The following SUSD1 variants were observed in gnomAD, a reference collection of about 807,000 sequenced individuals.
The protein encoded by SUSD1 is sushi domain containing 1, also known as sushi domain-containing protein 1.
In SUSD1, 65 loss-of-function variants were observed where a neutral mutation model predicts 86.9. The observed-to-expected ratio is 0.75, with a 90% CI of 0.61 to 0.92. The LOEUF is 0.92. Ranked by LOEUF, SUSD1 falls within the 40% of genes least tolerant of loss-of-function variation. The probability of loss-of-function intolerance (pLI) is 0.00; values close to 1 mark genes in which losing one functional copy is unlikely to be tolerated. For synonymous variants in SUSD1, 346 were observed against 350.0 expected (o/e 0.99, Z 0.13); for missense variants, 850 against 929.7 (o/e 0.91, Z 1.11).
intron 1 of SUSD1, among the ~76,000 whole-genome samples, chr9:112,171,108 C>T (rs921157202): frequency 4.6e-5 from 7 of 152,180 alleles, no homozygotes; most frequent in Admixed American, 6.5e-5. Context: ...TAATCAGTAA[C>T]GGCCAGCTAC....
chr9:112,057,552 C>T (rs1828506602), intron 14 of SUSD1, among the ~76,000 whole-genome samples: 1 of 152,192 alleles, frequency 6.6e-6, no homozygotes, highest in Admixed American at 6.5e-5. Context: ...TTTATTCCTC[C>T]ATTATTGTCA....
intron 9 of SUSD1, among the ~76,000 whole-genome samples, chr9:112,100,387 C>T (rs1032217639): frequency 4.6e-5 from 7 of 152,032 alleles, no homozygotes; most frequent in Non-Finnish European, 8.8e-5. Flanking sequence ...GGGGTTTCAC[C>T]GTGTTAGCCA....
chr9:112,089,713 G>A (rs569584185), intron 10 of SUSD1, among the ~76,000 whole-genome samples: 3 of 151,386 alleles, frequency 2.0e-5, no homozygotes, highest in African/African-American at 7.3e-5. Flanking sequence ...TCGGGAGGCT[G>A]AAGCAGGAGA....
intron 5 of SUSD1, among the ~76,000 whole-genome samples, chr9:112,141,675 T>C (rs1832569399): frequency 6.8e-6 from 1 of 147,964 alleles, no homozygotes; most frequent in South Asian, 2.1e-4. Context: ...AGATTCTGTC[T>C]CAAAAACTAT....
intron 1 of SUSD1, chr9:112,173,507 G>T: frequency 4.4e-6 from 1 of 229,250 alleles, no homozygotes; most frequent in South Asian, 6.0e-5. Context: ...TCCTCACGTT[G>T]GCAGACACAG....
At chr9:112,046,923 A>C (rs151091062) in intron 15 of SUSD1, among the ~76,000 whole-genome samples, 3 of 152,328 alleles carry the variant, frequency 2.0e-5, no homozygotes, top group African/African-American at 7.2e-5. Context: ...GCAGTTTAAC[A>C]AATCACCACA....
At chr9:112,125,327 C>A (rs368200965) in intron 5 of SUSD1, among the ~76,000 whole-genome samples, 5 of 152,022 alleles carry the variant, frequency 3.3e-5, no homozygotes, top group African/African-American at 1.2e-4. Flanking sequence ...AAAAGTTGAA[C>A]AATGTAAAAT....
intron 10 of SUSD1, among the ~76,000 whole-genome samples, chr9:112,094,505 C>CA (rs1399170583): frequency 1.3e-5 from 2 of 152,150 alleles, no homozygotes; most frequent in African/African-American, 4.8e-5. Flanking sequence ...GGAATTATTA[C>CA]AAACTCAAAT....
At chr9:112,170,460 C>A (rs1833988996) in intron 1 of SUSD1, among the ~76,000 whole-genome samples, 1 of 152,044 alleles carries the variant, frequency 6.6e-6, no homozygotes. Context: ...GGTTCTACCC[C>A]TCCTCGCCCA....
Position 112,102,140 on chromosome 9 carries a change from C to T in SUSD1, c.1281+36G>A, listed in dbSNP as rs748681835. On this transcript the variant is annotated intron_variant, in intron 9 of 16. Coordinates refer to ENST00000374270, the MANE Select transcript of SUSD1 (RefSeq NM_022486.5). ...AGATCGCCCAAATTTTTAAATGACA[C>T]AATTCTTTAATGGAAAGCATAAGAG... 13 of 1,267,760 alleles carry T rather than the reference C, an allele frequency of 1.0e-5. No individual in the cohort carries two copies. The Admixed American group carries it at 2.8e-4, about 27-fold the overall frequency. 78.5% of individuals were successfully genotyped at this position (1,267,760 alleles called of 1,614,324 possible).
At chr9:112,148,628 C>T (rs1025341002) in intron 3 of SUSD1, among the ~76,000 whole-genome samples, 1 of 152,098 alleles carries the variant, frequency 6.6e-6, no homozygotes, top group African/African-American at 2.4e-5. Context: ...AACGATCAGG[C>T]CAGGTGCAGT....
intron 5 of SUSD1, among the ~76,000 whole-genome samples, chr9:112,134,701 T>G (rs2131724137): frequency 6.6e-6 from 1 of 151,920 alleles, no homozygotes; most frequent in Middle Eastern, 3.4e-3. Flanking sequence ...CTCAGCATTA[T>G]GCAATATACC....
intron 10 of SUSD1, among the ~76,000 whole-genome samples, chr9:112,089,865 T>C (rs1275586312): frequency 2.0e-5 from 3 of 147,704 alleles, no homozygotes; most frequent in Non-Finnish European, 4.5e-5. Context: ...GAAATAATGA[T>C]ATAGAGCGAG....
rs770422763 is a variant in SUSD1, at chr9:112,058,574, C to T, written c.1963G>A (p.Ala655Thr). ...GGAACATCTTTGGCCAGTAGTTCTG[C>T]AGCCACGTATCCATCAGCATCAGAG... ...NASDADGYVA[A>T]ELLAKDVPDD... The change falls in exon 14 of 17, where the codon GCA (alanine) becomes ACA (threonine). Residue 655 changes from alanine (A) to threonine (T), a missense_variant. Physicochemically the swap from Ala to Thr is moderately conservative, Grantham distance 58 (BLOSUM62 0). Transcript: ENST00000374270. The T allele has an allele frequency of 6.8e-6, 11 of 1,614,144 alleles. No individual in the cohort carries two copies. Among genetic ancestry groups the T allele is most frequent in the Middle Eastern group, 1.6e-4 (1 of 6,062 alleles).
At chr9:112,131,419 G>C (rs1161705374) in intron 5 of SUSD1, among the ~76,000 whole-genome samples, 1 of 152,220 alleles carries the variant, frequency 6.6e-6, no homozygotes. Context: ...CTGTAGCTCT[G>C]TGACTCCCTG....
intron 10 of SUSD1, among the ~76,000 whole-genome samples, chr9:112,081,382 A>T (rs1469300316): frequency 2.0e-5 from 3 of 152,240 alleles, no homozygotes; most frequent in Non-Finnish European, 4.4e-5. Context: ...TGTACAAGTC[A>T]CAAGCTGTAC....
chr9:112,115,127 G>A (rs1276420085), intron 6 of SUSD1, among the ~76,000 whole-genome samples: 4 of 152,166 alleles, frequency 2.6e-5, no homozygotes, highest in Admixed American at 2.0e-4. Flanking sequence ...CTCCCTTCTA[G>A]TAAATCTCTT....
chr9:112,145,351 C>T (rs1373975932), intron 3 of SUSD1, among the ~76,000 whole-genome samples: 1 of 143,200 alleles, frequency 7.0e-6, no homozygotes, highest in Non-Finnish European at 1.5e-5. Context: ...GTGATCTTGG[C>T]TTATTGCAAC....
In SUSD1 at chr9:112,138,606, G is replaced by A. The variant is rs955707364; in HGVS notation, c.706+3714C>T. Among the ~76,000 whole-genome samples the A allele has an allele frequency of 4.0e-5, 6 of 151,578 alleles. No homozygotes were observed. The South Asian group carries it at 1.0e-3, about 26-fold the overall frequency. The stretch of plus-strand genomic sequence containing the variant: ...TGGGATTACAGGTGCACGCCACCAC[G>A]CCCAGGTAATTTGTTGTATTTTTAG... On this transcript the variant is annotated intron_variant, in intron 5 of 16. Coordinates refer to ENST00000374270, the MANE Select transcript of SUSD1 (RefSeq NM_022486.5).
Sources: allele counts gnomAD v4.1 joint callset (sites outside exome capture counted in the v4.1 genomes callset), GRCh38; gene constraint gnomAD v4.1.1; transcripts MANE v1.5; gene names NCBI Gene and HGNC (gene_info 2026-07-23, HGNC 2026-07-21).